Variants in ALK observed in about 807,000 individuals in gnomAD.
ALK encodes the protein ALK tyrosine kinase receptor.
ALK carries 74 observed loss-of-function variants against 163.1 expected under a neutral mutation model. That is an observed-to-expected ratio of 0.45 (90% CI 0.38 to 0.55). The LOEUF (loss-of-function observed/expected upper bound fraction) is 0.55, where lower values mean the gene tolerates loss of function less well. Ranked by LOEUF, ALK falls within the 20% of genes least tolerant of loss-of-function variation. The pLI, the probability that ALK is intolerant of heterozygous loss-of-function variation, is 0.00. For synonymous variants in ALK, 960 were observed against 843.2 expected, an observed-to-expected ratio of 1.14 and a Z score of -2.40; for missense variants, 2,063 against 2,105.3, an observed-to-expected ratio of 0.98 and a Z score of 0.39.
intron 5 of ALK, among the ~76,000 whole-genome samples, chr2:29,362,811 C>T (rs1346190503): frequency 6.6e-6 from 1 of 152,146 alleles, no homozygotes; most frequent in East Asian, 1.9e-4. Context: ...TTGATGCCAG[C>T]AAATAGCAGG....
chr2:29,524,600 G>A (rs1247859152), intron 4 of ALK, among the ~76,000 whole-genome samples: 1 of 152,194 alleles, frequency 6.6e-6, no homozygotes, highest in Non-Finnish European at 1.5e-5. Flanking sequence ...GACTCACTTG[G>A]CAAACTGAAC....
chr2:29,848,454 C>A (rs1393038988), intron 1 of ALK, among the ~76,000 whole-genome samples: 1 of 151,994 alleles, frequency 6.6e-6, no homozygotes, highest in African/African-American at 2.4e-5. Flanking sequence ...AACCATACCA[C>A]CTTCAAGGTA....
At chr2:29,350,615 T>C (rs1668086641) in intron 5 of ALK, among the ~76,000 whole-genome samples, 3 of 152,186 alleles carry the variant, frequency 2.0e-5, no homozygotes, top group Non-Finnish European at 2.9e-5. Context: ...GTACCTGCTG[T>C]AGAGTAAACT....
At chr2:29,903,435 T>C (rs747944877) in intron 1 of ALK, among the ~76,000 whole-genome samples, 3 of 152,172 alleles carry the variant, frequency 2.0e-5, no homozygotes, top group Non-Finnish European at 2.9e-5. Context: ...ACGTCCCTCA[T>C]CTGAGACAGA....
intron 4 of ALK, among the ~76,000 whole-genome samples, chr2:29,451,846 C>A (rs529827238): frequency 6.6e-6 from 1 of 152,146 alleles, no homozygotes; most frequent in African/African-American, 2.4e-5. Flanking sequence ...AGAAAACACA[C>A]GCAGCCACGC....
chr2:29,611,167 A>G (rs1191973190), intron 3 of ALK, among the ~76,000 whole-genome samples: 1 of 152,130 alleles, frequency 6.6e-6, no homozygotes. Context: ...GTCACCAGGG[A>G]TGGCTGGGCT....
In ALK at chr2:29,387,723, C is replaced by A. The variant is rs1029654203; in HGVS notation, c.1155-3864G>T. Among the ~76,000 whole-genome samples the A allele has an allele frequency of 2.0e-5, 3 of 152,076 alleles. No individual in the cohort carries two copies. In the South Asian group the frequency reaches 6.2e-4, roughly 32 times the overall value. ...AAATCTCCAATGGACAAATAATATC[C>A]CACAGAGGTGGGAGGAGAATGATTA... is the stretch of plus-strand genomic sequence containing the variant. On this transcript the variant is annotated intron_variant, in intron 4 of 28. Coordinates refer to ENST00000389048, the MANE Select transcript of ALK (RefSeq NM_004304.5).
chr2:29,206,222 T>G (rs1466241350), intron 26 of ALK, among the ~76,000 whole-genome samples: 2 of 151,108 alleles, frequency 1.3e-5, no homozygotes, highest in Non-Finnish European at 3.0e-5. Context: ...TCCTCTCTTC[T>G]CTGCCCCTCC....
At chr2:29,398,889 C>A (rs748755262) in intron 4 of ALK, among the ~76,000 whole-genome samples, 2 of 152,168 alleles carry the variant, frequency 1.3e-5, no homozygotes, top group Non-Finnish European at 2.9e-5. Context: ...TGATTCAAAG[C>A]GCTGGTGGCC....
At chr2:29,743,194 A>G (rs1418677053) in intron 1 of ALK, among the ~76,000 whole-genome samples, 1 of 152,230 alleles carries the variant, frequency 6.6e-6, no homozygotes, top group East Asian at 1.9e-4. Context: ...TTGATAATGC[A>G]TAAGCTAGCT....
chr2:29,907,850 T>C (rs1667590981), intron 1 of ALK, among the ~76,000 whole-genome samples: 1 of 152,174 alleles, frequency 6.6e-6, no homozygotes, highest in Non-Finnish European at 1.5e-5. Flanking sequence ...CTAGAATTAT[T>C]GTCATGCCAA....
intron 1 of ALK, among the ~76,000 whole-genome samples, chr2:29,748,764 G>T (rs545424189): frequency 1.3e-3 from 187 of 147,564 alleles, no homozygotes; most frequent in African/African-American, 4.2e-3. Context: ...TTTTTTTTTT[G>T]AATCACAGTC....
intron 3 of ALK, among the ~76,000 whole-genome samples, chr2:29,660,690 A>AG (rs397869842): frequency 5.3e-5 from 8 of 151,556 alleles, no homozygotes; most frequent in Admixed American, 4.6e-4. Flanking sequence ...AGGGGGAAAA[A>AG]GGGGTGGTCA....
intron 3 of ALK, among the ~76,000 whole-genome samples, chr2:29,653,542 C>G (rs531027618): frequency 1.3e-5 from 2 of 152,080 alleles, no homozygotes; most frequent in African/African-American, 4.8e-5. Flanking sequence ...GTTTCTTTGT[C>G]TGTAAAAGGG....
intron 11 of ALK, among the ~76,000 whole-genome samples, chr2:29,251,693 C>T (rs1010469452): frequency 1.3e-5 from 2 of 152,216 alleles, no homozygotes; most frequent in Admixed American, 6.5e-5. Flanking sequence ...GAGCCTAGCA[C>T]GGTGCTGGGC....
At chr2:29,392,436 T>C (rs543246076) in intron 4 of ALK, among the ~76,000 whole-genome samples, 2 of 152,146 alleles carry the variant, frequency 1.3e-5, no homozygotes, top group African/African-American at 4.8e-5. Flanking sequence ...CAGAGGTGGG[T>C]TGTGCTTGAA....
chr2:29,524,894 G>T (rs1038146643), intron 4 of ALK, among the ~76,000 whole-genome samples: 2 of 151,874 alleles, frequency 1.3e-5, no homozygotes, highest in African/African-American at 4.8e-5. Flanking sequence ...TGGATGGGTA[G>T]ATGGATGGAT....
chr2:29,713,024 A>T (rs1301659869), intron 2 of ALK, among the ~76,000 whole-genome samples: 1 of 152,148 alleles, frequency 6.6e-6, no homozygotes, highest in East Asian at 1.9e-4. Flanking sequence ...CAAAGTTAAT[A>T]TGTAGGCAGG....
chr2:29,735,632 C>G (rs1432496860), intron 1 of ALK, among the ~76,000 whole-genome samples: 1 of 152,046 alleles, frequency 6.6e-6, no homozygotes, highest in Non-Finnish European at 1.5e-5. Context: ...CTCCACACGT[C>G]ATGGGAGGGG....
Sources: gnomAD v4.1 joint callset for allele counts (sites outside exome capture counted in the v4.1 genomes callset) on GRCh38, gnomAD v4.1.1 for gene constraint, MANE v1.5 for transcripts, NCBI Gene and HGNC (gene_info 2026-07-23, HGNC 2026-07-21) for gene names.